The following BIRC6 variants were observed in gnomAD, a reference collection of about 807,000 sequenced individuals.
The protein encoded by BIRC6 is baculoviral IAP repeat containing 6.
Under a neutral mutation model 503.3 loss-of-function variants are expected in BIRC6, and 98 were observed. That is an observed-to-expected ratio of 0.19 (90% CI 0.17 to 0.23). The LOEUF (loss-of-function observed/expected upper bound fraction) is 0.23. Ranked by LOEUF, BIRC6 falls within the 10% of genes least tolerant of loss-of-function variation. BIRC6 has a pLI of 1.00. For missense variants in BIRC6, 5,360 were observed against 5,806.0 expected (o/e 0.92, Z 2.50); for synonymous variants, 2,240 against 2,078.7 (o/e 1.08, Z -2.11).
At chr2:32,550,179 C>G (rs186331544) in intron 65 of BIRC6, among the ~76,000 whole-genome samples, 68 of 152,204 alleles carry the variant, frequency 4.5e-4, no homozygotes, top group African/African-American at 1.6e-3. Context: ...ATATTCTTAT[C>G]TCTGTCTTTA....
intron 1 of BIRC6, among the ~76,000 whole-genome samples, chr2:32,375,757 T>C (rs2036671303): frequency 6.6e-6 from 1 of 151,728 alleles, no homozygotes; most frequent in Non-Finnish European, 1.5e-5. Context: ...TTTTTTTTTT[T>C]TGCAATTCAG....
chr2:32,485,796 A>G (rs1285510311), intron 40 of BIRC6, 37 bp downstream of exon 40: 3 of 1,312,794 alleles, frequency 2.3e-6, no homozygotes, highest in Non-Finnish European at 3.3e-6. Context: ...ATTGCAGTGA[A>G]TGATTCAGCT....
chr2:32,505,328 A>T, intron 50 of BIRC6, 123 bp downstream of exon 50: 2 of 774,292 alleles, frequency 2.6e-6, no homozygotes, highest in South Asian at 3.8e-5. Flanking sequence ...GTAACTTCTG[A>T]ACAGTTTTTA....
At chr2:32,445,217 TCACATTATTATACACCTAAATAAATA>T (rs2148403074) in intron 20 of BIRC6, among the ~76,000 whole-genome samples, 1 of 152,348 alleles carries the variant, frequency 6.6e-6, no homozygotes, top group South Asian at 2.1e-4. Flanking sequence ...CAGAGGCATC[TCACATTATTATACACCTAAATAAATA>T]CACATTATTA....
chr2:32,582,348 A>G (rs1488718652), intron 66 of BIRC6, among the ~76,000 whole-genome samples: 1 of 152,070 alleles, frequency 6.6e-6, no homozygotes, highest in African/African-American at 2.4e-5. Context: ...AAACCCTGAT[A>G]TATTAGTTGA....
chr2:32,519,900 A>G (rs963625899), intron 57 of BIRC6, among the ~76,000 whole-genome samples: 3 of 152,232 alleles, frequency 2.0e-5, no homozygotes, highest in African/African-American at 4.8e-5. Flanking sequence ...GCATCTGCAA[A>G]GTGCAATCAC....
Position 32,531,546 on chromosome 2 carries a change from C to A in BIRC6, c.12286C>A (p.Gln4096Lys). 6.2e-7 allele frequency: 1 copy of A among 1,608,430 alleles called. No individual in the cohort carries two copies. Among genetic ancestry groups the A allele is most frequent in the South Asian group, 1.1e-5 (1 of 90,172 alleles). Residue 4096 changes from glutamine to lysine, a missense_variant, in exon 61 of 74, where the codon CAA (glutamine) becomes AAA (lysine). Transcript: ENST00000421745. The part of the protein sequence containing the change: ...RLPMLYPEVI[Q>K]QVSAPVVTST... ...ACCCATGCTATATCCAGAAGTAATT[C>A]AACAGGTAAGATAAGATTTCCTAAT... is the stretch of plus-strand genomic sequence containing the variant.
At chr2:32,510,497 A>G (rs199876997) in intron 52 of BIRC6, 29 bp from the exon 53 acceptor site, 104 of 1,372,496 alleles carry the variant, frequency 7.6e-5, no homozygotes, top group Middle Eastern at 1.8e-4. Flanking sequence ...TTATTTAGCA[A>G]ACTTTTTCTT....
intron 70 of BIRC6, among the ~76,000 whole-genome samples, chr2:32,601,506 G>A (rs900122051): frequency 7.9e-5 from 12 of 152,306 alleles, no homozygotes; most frequent in Admixed American, 1.3e-4. Context: ...GCTTGAACCC[G>A]GGAGGCGGAG....
chr2:32,382,750 G>C (rs2037860790), intron 3 of BIRC6, among the ~76,000 whole-genome samples: 1 of 152,182 alleles, frequency 6.6e-6, no homozygotes, highest in Admixed American at 6.5e-5. Context: ...TGGAGATGGG[G>C]TCTTGTGCTG....
At chr2:32,385,363 A>G (rs1486115285) in intron 3 of BIRC6, among the ~76,000 whole-genome samples, 1 of 152,198 alleles carries the variant, frequency 6.6e-6, no homozygotes, top group Non-Finnish European at 1.5e-5. Context: ...CTTTGTGAAG[A>G]CAGATCTTTT....
rs1477750641 is a variant in BIRC6, at chr2:32,467,684, C to T, written c.5516C>T (p.Thr1839Ile). ...TTGGTAGTGGCAACTGATATAAGCA[C>T]TCATTCACTAATTCTTCATGACTTA... ...RRLVVATDIS[T>I]HSLILHDLIP... Residue 1839 changes from threonine (T) to isoleucine (I), a missense_variant, in exon 27 of 74, where the codon ACT (threonine) becomes ATT (isoleucine). Transcript: ENST00000421745. 6 of 1,613,858 alleles carry T rather than the reference C, an allele frequency of 3.7e-6. No individual in the cohort carries two copies. The highest frequency in any genetic ancestry group is 1.6e-4 in the Middle Eastern group (1 of 6,062).
chr2:32,433,944 T>A, intron 13 of BIRC6, 140 bp downstream of exon 13: 2 of 670,132 alleles, frequency 3.0e-6, no homozygotes, highest in Non-Finnish European at 4.7e-6. Flanking sequence ...TGATTTTATT[T>A]AAAAAAGTAA....
At chr2:32,531,710 A>G (rs916335694) in intron 61 of BIRC6, among the ~76,000 whole-genome samples, 159 bp downstream of exon 61, 7 of 152,242 alleles carry the variant, frequency 4.6e-5, no homozygotes, top group Non-Finnish European at 1.0e-4. Context: ...CAGTCTGTAC[A>G]GAGCTTCATG....
At chr2:32,599,999 G>A (rs2061943041) in intron 70 of BIRC6, 99 bp downstream of exon 70, 3 of 1,142,078 alleles carry the variant, frequency 2.6e-6, no homozygotes, top group African/African-American at 1.6e-5. Flanking sequence ...CTGCTAAGAG[G>A]GCATGGGTTT....
At position 32,395,600 on chromosome 2, in the gene BIRC6, C is replaced by A; in HGVS notation, c.1034+7C>A. On this transcript the variant is annotated splice_region_variant and intron_variant, in intron 6 of 73. Coordinates refer to ENST00000421745, the MANE Select transcript of BIRC6 (RefSeq NM_016252.4). ...AACCTACTGATGAACCTTGGTGAGT[C>A]TTGATGTTTCTGGGCATAATAGGCT... 6.3e-7 allele frequency: 1 copy of A among 1,599,942 alleles called. No individual in the cohort carries two copies. The highest frequency in any genetic ancestry group is 1.1e-5 in the South Asian group (1 of 90,742).
intron 9 of BIRC6, among the ~76,000 whole-genome samples, chr2:32,410,842 C>T (rs184667384): frequency 5.3e-5 from 8 of 151,466 alleles, no homozygotes; most frequent in South Asian, 4.2e-4. Flanking sequence ...CTGGGACTGC[C>T]GGTGCCCGCC....
rs1491359418 is a variant in BIRC6, at chr2:32,504,033, T to TG, written c.9499+797_9499+798insG. On this transcript the variant is annotated intron_variant, in intron 49 of 73. Transcript: ENST00000421745. ...CACTGGGGCGGGGGGTGGGGGGGTG[T>TG]TTGTGTGTGTGTGTGTGTGTGTGTG... Among the ~76,000 whole-genome samples the TG allele has an allele frequency of 8.2e-4, 95 of 115,344 alleles. 1 individual carries two copies. Among genetic ancestry groups the TG allele is most frequent in the Non-Finnish European group, 1.3e-3 (74 of 56,750 alleles). 75.7% of individuals were successfully genotyped at this position (115,344 alleles called of 152,430 possible).
intron 10 of BIRC6, among the ~76,000 whole-genome samples, chr2:32,427,283 T>C (rs1473863043): frequency 6.8e-6 from 1 of 147,996 alleles, no homozygotes; most frequent in African/African-American, 2.4e-5. Flanking sequence ...ATTTTTATTT[T>C]ATTTTATTTT....
Sources: gnomAD v4.1 joint callset for allele counts (sites outside exome capture counted in the v4.1 genomes callset) on GRCh38, gnomAD v4.1.1 for gene constraint, MANE v1.5 for transcripts, NCBI Gene and HGNC (gene_info 2026-07-23, HGNC 2026-07-21) for gene names.